Variants in FOCAD observed in about 807,000 individuals in gnomAD.
The protein encoded by FOCAD is focadhesin.
A neutral mutation model predicts 225.6 loss-of-function variants in FOCAD; 198 were observed. The ratio of observed to expected loss-of-function variants is 0.88; its 90% CI spans 0.78 to 0.99. The LOEUF (loss-of-function observed/expected upper bound fraction) is 0.99. Among genes scored for constraint, FOCAD ranks in the 50% least tolerant of loss-of-function variants. The pLI is 0.00. For synonymous variants in FOCAD, 897 were observed against 755.0 expected (o/e 1.19, Z -3.08); for missense variants, 2,713 against 2,123.6 (o/e 1.28, Z -5.46).
chr9:20,825,783 T>A (rs1824827040), intron 15 of FOCAD, among the ~76,000 whole-genome samples: 1 of 152,084 alleles, frequency 6.6e-6, no homozygotes, highest in Non-Finnish European at 1.5e-5. Flanking sequence ...TATTGCTGCT[T>A]AATTATTTAT....
intron 42 of FOCAD, among the ~76,000 whole-genome samples, chr9:20,992,961 A>G (rs908002794): frequency 7.2e-6 from 1 of 139,396 alleles, no homozygotes; most frequent in Non-Finnish European, 1.6e-5. Context: ...GACTCCATCT[A>G]AAAAAAAAAA....
chr9:20,846,579 T>C (rs1935398466), intron 15 of FOCAD, among the ~76,000 whole-genome samples: 1 of 152,150 alleles, frequency 6.6e-6, no homozygotes, highest in Non-Finnish European at 1.5e-5. Flanking sequence ...AGTTTCATGA[T>C]TGTACACTTG....
chr9:20,748,740 CTCTTTTCCTTCT>C (rs1377832207), intron 5 of FOCAD, among the ~76,000 whole-genome samples: 1 of 152,028 alleles, frequency 6.6e-6, no homozygotes, highest in Admixed American at 6.6e-5. Context: ...TTTTTATTTC[CTCTTTTCCTTCT>C]TCTTTTCCAC....
chr9:20,895,861 C>G (rs1337155884), intron 21 of FOCAD, among the ~76,000 whole-genome samples: 3 of 151,802 alleles, frequency 2.0e-5, no homozygotes, highest in Non-Finnish European at 4.4e-5. Flanking sequence ...ATACATTTTA[C>G]TTTCTCTTTT....
rs915144062 is a variant in FOCAD, at chr9:20,676,671, G to C, written c.-78+17845G>C. Among the ~76,000 whole-genome samples, 5 of 152,206 alleles carry C rather than the reference G, an allele frequency of 3.3e-5. No individual in the cohort carries two copies. The East Asian group carries it at 9.6e-4, about 29-fold the overall frequency. ...ATATATTTTCCAAAATCAAACTAAA[G>C]TTCCAATAGCATTTTTGGATTTCAA... On this transcript the variant is annotated intron_variant, in intron 2 of 45. Coordinates refer to the FOCAD transcript ENST00000380249.
chr9:20,778,618 G>C, intron 8 of FOCAD, 63 bp from the exon 9 acceptor site: 1 of 846,966 alleles, frequency 1.2e-6, no homozygotes, highest in Non-Finnish European at 2.0e-6. Context: ...CTGGATACAT[G>C]TTACAAAGCC....
chr9:20,995,682 A>G lies in FOCAD; in HGVS notation c.*53A>G. ...TCAGCTGGATGAGGAAAACCATATA[A>G]GTGGAAGAAGTTTTTCAGAATTCAT... is the stretch of plus-strand genomic sequence containing the variant. On this transcript the variant is annotated 3_prime_UTR_variant, in exon 44 of 44. Transcript: ENST00000338382. The G allele has an allele frequency of 3.3e-6, 5 of 1,521,974 alleles. No individual in the cohort carries two copies. The highest frequency in any genetic ancestry group is 4.6e-6 in the Non-Finnish European group (5 of 1,098,874). 94.3% of individuals were successfully genotyped at this position (1,521,974 alleles called of 1,614,324 possible). A position where few individuals can be genotyped will look rare whatever the true frequency, so the allele number is the denominator to read the frequency against.
At chr9:20,993,576 G>A (rs1313770080) in intron 43 of FOCAD, among the ~76,000 whole-genome samples, 1 of 152,168 alleles carries the variant, frequency 6.6e-6, no homozygotes, top group Non-Finnish European at 1.5e-5. Flanking sequence ...TTACATACAT[G>A]GCCGGAAGGT....
At chr9:20,955,015 C>T (rs1424591911) in intron 35 of FOCAD, among the ~76,000 whole-genome samples, 2 of 152,216 alleles carry the variant, frequency 1.3e-5, no homozygotes, top group Non-Finnish European at 2.9e-5. Flanking sequence ...TTTAATAACT[C>T]CCTTCTGAAG....
chr9:20,703,990 G>A (rs559289538), intron 1 of FOCAD, among the ~76,000 whole-genome samples: 10 of 152,198 alleles, frequency 6.6e-5, no homozygotes, highest in Non-Finnish European at 1.5e-4. Flanking sequence ...GAGCTTTGCT[G>A]TCTGTGTCAG....
At chr9:20,949,746 G>GTTGT in intron 33 of FOCAD, 71 bp downstream of exon 33, 2 of 1,250,090 alleles carry the variant, frequency 1.6e-6, no homozygotes, top group Non-Finnish European at 2.3e-6. Context: ...TCTATTACAT[G>GTTGT]ATACAACATG....
intron 2 of FOCAD, among the ~76,000 whole-genome samples, chr9:20,716,487 T>C (rs1825347249): frequency 6.6e-6 from 1 of 152,182 alleles, no homozygotes; most frequent in South Asian, 2.1e-4. Context: ...TGTTAGAAGA[T>C]GAAGTGAAAA....
chr9:20,738,653 A>C (rs938299193), intron 4 of FOCAD, among the ~76,000 whole-genome samples: 1 of 152,224 alleles, frequency 6.6e-6, no homozygotes, highest in African/African-American at 2.4e-5. Flanking sequence ...TAGATTGTGA[A>C]AAATGCTTCA....
intron 15 of FOCAD, among the ~76,000 whole-genome samples, chr9:20,827,493 CGTGTGTGTGTGT>C (rs372926136): frequency 6.7e-6 from 1 of 149,996 alleles, no homozygotes; most frequent in Non-Finnish European, 1.5e-5. Context: ...AAAATTGTGG[CGTGTGTGTGTGT>C]GTGTGTTTGT....
intron 1 of FOCAD, among the ~76,000 whole-genome samples, chr9:20,710,046 C>A (rs1824706377): frequency 6.6e-6 from 1 of 152,110 alleles, no homozygotes; most frequent in Non-Finnish European, 1.5e-5. Flanking sequence ...CATTCTGGGC[C>A]TGGATCAGAG....
intron 1 of FOCAD, among the ~76,000 whole-genome samples, chr9:20,711,719 T>G (rs1824867124): frequency 6.6e-6 from 1 of 152,242 alleles, no homozygotes; most frequent in African/African-American, 2.4e-5. Flanking sequence ...AAATATGTGT[T>G]TTGTTTTTGA....
At chr9:20,722,783 G>A (rs1042857423) in intron 4 of FOCAD, among the ~76,000 whole-genome samples, 1 of 152,118 alleles carries the variant, frequency 6.6e-6, no homozygotes, top group Non-Finnish European at 1.5e-5. Flanking sequence ...TTGATCTTGT[G>A]CAAGCCACCT....
intron 4 of FOCAD, among the ~76,000 whole-genome samples, chr9:20,725,391 C>A (rs1826113732): frequency 6.6e-6 from 1 of 152,110 alleles, no homozygotes; most frequent in Admixed American, 6.5e-5. Flanking sequence ...TTCCATCTTG[C>A]CTATTTATCT....
At chr9:20,914,078 A>G (rs1833671407) in intron 23 of FOCAD, among the ~76,000 whole-genome samples, 1 of 151,410 alleles carries the variant, frequency 6.6e-6, no homozygotes, top group Admixed American at 6.6e-5. Context: ...CAGCTTGGGC[A>G]ACATGGCAAA....
Sources: allele counts gnomAD v4.1 joint callset (sites outside exome capture counted in the v4.1 genomes callset), GRCh38; gene constraint gnomAD v4.1.1; transcripts MANE v1.5; gene names NCBI Gene and HGNC (gene_info 2026-07-23, HGNC 2026-07-21).